The following DCC variants were observed in gnomAD, a reference collection of about 807,000 sequenced individuals.
DCC encodes DCC netrin 1 receptor.
DCC carries 58 observed loss-of-function variants against 172.5 expected under a neutral mutation model. The ratio of observed to expected loss-of-function variants is 0.34; its 90% confidence interval spans 0.27 to 0.42. The LOEUF is 0.42. DCC is among the 10% of genes least tolerant of loss of function. DCC has a pLI of 1.00. For synonymous variants in DCC, 709 were observed against 644.5 expected (o/e 1.10, Z -1.52); for missense variants, 1,740 against 1,791.0 (o/e 0.97, Z 0.51).
At chr18:52,371,481 G>A (rs1481196085) in intron 1 of DCC, among the ~76,000 whole-genome samples, 1 of 152,170 alleles carries the variant, frequency 6.6e-6, no homozygotes, top group African/African-American at 2.4e-5. Context: ...TAGAGAGAAC[G>A]TTAGTGAACG....
In DCC at chr18:53,399,402, A is replaced by G. The variant is rs1490060992; in HGVS notation, c.2827+1956A>G. ...GAATTCCCAACTGATATTGCTACCA[A>G]GCTTTCATGATATAGAGGAGAGCTT... On this transcript the variant is annotated intron_variant, in intron 18 of 28. Transcript: ENST00000442544. 2.6e-5 allele frequency among the ~76,000 whole-genome samples: 4 copies of G among 152,258 alleles called. No individual in the cohort carries two copies. In the East Asian group the frequency reaches 7.7e-4, roughly 29 times the overall value.
intron 7 of DCC, among the ~76,000 whole-genome samples, chr18:53,077,800 T>G (rs2042743324): frequency 6.6e-6 from 1 of 152,158 alleles, no homozygotes; most frequent in Non-Finnish European, 1.5e-5. Context: ...GATAAATGGG[T>G]GATATTTCAG....
chr18:53,505,756 T>C (rs532711249), intron 27 of DCC, among the ~76,000 whole-genome samples: 59 of 152,264 alleles, frequency 3.9e-4, no homozygotes, highest in African/African-American at 1.3e-3. Context: ...CTACAAAGAA[T>C]GTACTTGGAT....
At chr18:53,208,385 C>T (rs1008339561) in intron 11 of DCC, among the ~76,000 whole-genome samples, 1 of 151,628 alleles carries the variant, frequency 6.6e-6, no homozygotes. Context: ...AGAGCTAAAA[C>T]TTTGTGTATT....
intron 5 of DCC, among the ~76,000 whole-genome samples, chr18:52,990,830 ATAT>A (rs1457734334): frequency 6.6e-6 from 1 of 152,200 alleles, no homozygotes; most frequent in East Asian, 1.9e-4. Context: ...TCATAGCAAA[ATAT>A]TATTTTAAGC....
At chr18:52,917,548 A>G (rs769160681) in intron 3 of DCC, among the ~76,000 whole-genome samples, 2 of 152,178 alleles carry the variant, frequency 1.3e-5, no homozygotes, top group South Asian at 2.1e-4. Context: ...TCCTCAACTC[A>G]GGTAACAGAT....
In DCC at chr18:52,648,069, GC is replaced by G. The variant is rs376744449; in HGVS notation, c.92-103984del. Among the ~76,000 whole-genome samples the G allele has an allele frequency of 1.6e-4, 24 of 152,334 alleles. No individual in the cohort carries two copies. The East Asian group carries it at 4.1e-3, about 26-fold the overall frequency. On this transcript the variant is annotated intron_variant, in intron 1 of 28. Transcript: ENST00000442544. Reference sequence around the variant, plus strand: ...CGAGATGTTCAAAGGGAAGAGAAAAGCATTCCAGCTTAAGTGAAATATGTGA... The same window carrying G: ...CGAGATGTTCAAAGGGAAGAGAAAAGATTCCAGCTTAAGTGAAATATGTGA...
At chr18:53,105,451 C>A (rs1170959525) in intron 7 of DCC, among the ~76,000 whole-genome samples, 5 of 151,920 alleles carry the variant, frequency 3.3e-5, no homozygotes, top group Admixed American at 6.6e-5. Context: ...TCTCTCATGG[C>A]CCTTGCTTTA....
chr18:53,151,051 T>C (rs569800665), intron 7 of DCC, among the ~76,000 whole-genome samples: 4 of 152,300 alleles, frequency 2.6e-5, no homozygotes, highest in South Asian at 2.1e-4. Context: ...CCCTCTGGGA[T>C]TTGAAAATGG....
At chr18:53,221,456 A>G (rs920839416) in intron 12 of DCC, among the ~76,000 whole-genome samples, 1 of 152,156 alleles carries the variant, frequency 6.6e-6, no homozygotes, top group Admixed American at 6.5e-5. Flanking sequence ...GGCTAGATGA[A>G]AAGTGAACGT....
chr18:53,245,044 C>T (rs2056349209), intron 12 of DCC, among the ~76,000 whole-genome samples: 1 of 152,088 alleles, frequency 6.6e-6, no homozygotes, highest in South Asian at 2.1e-4. Flanking sequence ...GTCTGAACCT[C>T]AGTTTCATGA....
chr18:53,456,985 A>C (rs752901475), intron 23 of DCC, among the ~76,000 whole-genome samples: 3 of 152,200 alleles, frequency 2.0e-5, no homozygotes, highest in Non-Finnish European at 2.9e-5. Context: ...AAGGCCAAAG[A>C]TTTCTCCTTT....
intron 12 of DCC, among the ~76,000 whole-genome samples, chr18:53,236,554 G>A (rs1006829267): frequency 6.6e-6 from 1 of 151,958 alleles, no homozygotes; most frequent in Non-Finnish European, 1.5e-5. Flanking sequence ...CAAATTGGCG[G>A]CTTACCTTTT....
chr18:53,092,689 G>A (rs1055240827), intron 7 of DCC, among the ~76,000 whole-genome samples: 1 of 151,994 alleles, frequency 6.6e-6, no homozygotes. Context: ...TATTTGGGTG[G>A]CTTTTCTCTC....
intron 1 of DCC, among the ~76,000 whole-genome samples, chr18:52,610,164 AAAAAAAAAAAAAAAAT>A (rs2034227588): frequency 6.7e-4 from 15 of 22,352 alleles, no homozygotes; most frequent in East Asian, 9.8e-4. Flanking sequence ...AAAAAAAAAA[AAAAAAAAAAAAAAAAT>A]ATATATATAT....
chr18:52,835,855 A>G (rs1798830811), intron 2 of DCC, among the ~76,000 whole-genome samples: 1 of 152,224 alleles, frequency 6.6e-6, no homozygotes, highest in African/African-American at 2.4e-5. Context: ...AAAATATTTC[A>G]AAAAGATTCA....
intron 12 of DCC, among the ~76,000 whole-genome samples, chr18:53,232,625 T>G (rs922844775): frequency 1.3e-5 from 2 of 152,192 alleles, no homozygotes; most frequent in Admixed American, 6.6e-5. Flanking sequence ...CATGCACTTA[T>G]TCAACATCAA....
chr18:53,066,072 G>T lies in DCC; in HGVS notation c.1167G>T (p.Gly389=). The part of the protein sequence containing the change: ...IVGGSNLRIL[G]VVKSDEGFYQ... ...GAGGAAGCAACTTACGGATACTTGG[G>T]GTGGTGAAGTCAGATGAAGGCTTTT... Residue 389 remains glycine (G), a synonymous_variant, in exon 7 of 29, where the codon GGG becomes GGT. Coordinates refer to ENST00000442544, the MANE Select transcript of DCC (RefSeq NM_005215.4). The T allele has an allele frequency of 6.2e-7, 1 of 1,613,266 alleles. No individual in the cohort carries two copies. Among genetic ancestry groups the T allele is most frequent in the Non-Finnish European group, 8.5e-7 (1 of 1,179,556 alleles).
chr18:53,160,691 C>T (rs1568338489), intron 8 of DCC, among the ~76,000 whole-genome samples: 1 of 152,148 alleles, frequency 6.6e-6, no homozygotes, highest in African/African-American at 2.4e-5. Flanking sequence ...ATCAGGCAGT[C>T]TCTCTCACAT....
Sources: allele counts gnomAD v4.1 joint callset (sites outside exome capture counted in the v4.1 genomes callset), GRCh38; gene constraint gnomAD v4.1.1; transcripts MANE v1.5; gene names NCBI Gene and HGNC (gene_info 2026-07-23, HGNC 2026-07-21).